VTI1A: variants seen among roughly 807,000 people sequenced by gnomAD.
VTI1A encodes the protein vesicle transport through interaction with t-SNAREs homolog 1A.
In VTI1A, 22 loss-of-function variants were observed where a neutral mutation model predicts 34.9. That is an observed-to-expected ratio of 0.63 (90% CI 0.45 to 0.90). The LOEUF is 0.90. VTI1A is among the 40% of genes least tolerant of loss of function. The pLI is 0.00. For missense variants in VTI1A, 268 were observed against 275.6 expected (o/e 0.97, Z 0.20); for synonymous variants, 87 against 97.3 (o/e 0.89, Z 0.62).
At chr10:112,592,260 C>T (rs1485027458) in intron 5 of VTI1A, among the ~76,000 whole-genome samples, 1 of 152,232 alleles carries the variant, frequency 6.6e-6, no homozygotes, top group Non-Finnish European at 1.5e-5. Context: ...GCCCACCAGA[C>T]TTCTCACCTA....
chr10:112,635,996 T>A (rs1464964536), intron 5 of VTI1A, among the ~76,000 whole-genome samples: 1 of 152,118 alleles, frequency 6.6e-6, no homozygotes, highest in African/African-American at 2.4e-5. Flanking sequence ...TGAATGAGGA[T>A]CTCAAAGGAG....
intron 7 of VTI1A, among the ~76,000 whole-genome samples, chr10:112,790,772 T>C (rs1852438992): frequency 6.6e-6 from 1 of 152,026 alleles, no homozygotes; most frequent in South Asian, 2.1e-4. Flanking sequence ...ACGTTTTTTT[T>C]TTTTTTGGTG....
At chr10:112,493,250 C>G (rs1444731754) in intron 3 of VTI1A, among the ~76,000 whole-genome samples, 1 of 151,482 alleles carries the variant, frequency 6.6e-6, no homozygotes, top group Non-Finnish European at 1.5e-5. Flanking sequence ...TTTTTCTTTC[C>G]TTTTTCATTT....
the VTI1A span, among the ~76,000 whole-genome samples, chr10:112,838,224 G>A: frequency 6.6e-6 from 1 of 152,176 alleles, no homozygotes; most frequent in South Asian, 2.1e-4. Context: ...TCCCAAGACA[G>A]CCCCAGGTGG....
intron 5 of VTI1A, among the ~76,000 whole-genome samples, chr10:112,543,668 A>G (rs1190970437): frequency 6.6e-6 from 1 of 152,138 alleles, no homozygotes; most frequent in East Asian, 1.9e-4. Flanking sequence ...TGCTGTGCAG[A>G]AGCTCTTTAG....
the VTI1A span, among the ~76,000 whole-genome samples, chr10:112,845,535 G>A: frequency 0.036 from 5,482 of 152,266 alleles, 184 homozygotes; most frequent in African/African-American, 0.091. Flanking sequence ...CCCTCTCCCC[G>A]GGAGGAAAAG....
chr10:112,675,869 CT>C (rs1237932750), intron 7 of VTI1A, among the ~76,000 whole-genome samples: 1 of 152,156 alleles, frequency 6.6e-6, no homozygotes, highest in Non-Finnish European at 1.5e-5. Context: ...AGCTAGTAAC[CT>C]TTGGCAAGAA....
intron 7 of VTI1A, among the ~76,000 whole-genome samples, chr10:112,743,833 A>G (rs1014989221): frequency 7.2e-5 from 11 of 152,336 alleles, no homozygotes; most frequent in African/African-American, 2.2e-4. Context: ...AATAAAAAAT[A>G]TAGGACATAA....
chr10:112,451,054 G>T (rs532182811), intron 1 of VTI1A, among the ~76,000 whole-genome samples: 6 of 152,170 alleles, frequency 3.9e-5, no homozygotes, highest in Non-Finnish European at 8.8e-5. Context: ...ATGATCTGTT[G>T]TGAATCCTGT....
chr10:112,527,259 C>A, intron 4 of VTI1A, 95 bp downstream of exon 4: 2 of 1,038,768 alleles, frequency 1.9e-6, no homozygotes, highest in Non-Finnish European at 2.9e-6. Flanking sequence ...ACGGTATTAG[C>A]AGCAACTCAT....
chr10:112,681,739 CTATT>C (rs946808042), intron 7 of VTI1A, among the ~76,000 whole-genome samples: 1 of 151,988 alleles, frequency 6.6e-6, no homozygotes, highest in Non-Finnish European at 1.5e-5. Context: ...ATAAAATTAC[CTATT>C]TATTAAAAAG....
rs143085843 is a variant in VTI1A, at chr10:112,490,556, A to G, written c.264+25899A>G. Among the ~76,000 whole-genome samples the G allele has an allele frequency of 5.5e-4, 83 of 151,702 alleles. 2 individuals are homozygous for G. In the East Asian group the frequency reaches 0.01, roughly 19 times the overall value. ...GTGTATTGTCATTAATGATATGCTC[A>G]TTTTGATAATGGGGCTGCAGATTCT... On this transcript the variant is annotated intron_variant, in intron 3 of 7. Coordinates refer to ENST00000393077, the MANE Select transcript of VTI1A (RefSeq NM_145206.4).
intron 7 of VTI1A, among the ~76,000 whole-genome samples, chr10:112,691,060 G>C (rs1466019344): frequency 6.6e-6 from 1 of 151,868 alleles, no homozygotes; most frequent in Non-Finnish European, 1.5e-5. Flanking sequence ...TTGAGGCCAG[G>C]AATTCAAGAA....
chr10:112,485,294 A>T (rs1848584372), intron 3 of VTI1A: 1 of 152,166 alleles, frequency 6.6e-6, no homozygotes, highest in Non-Finnish European at 1.5e-5. Context: ...AAAAAAAAGA[A>T]AAAAAGAAAA....
intron 5 of VTI1A, among the ~76,000 whole-genome samples, chr10:112,600,192 C>T (rs893347986): frequency 1.3e-5 from 2 of 152,090 alleles, no homozygotes; most frequent in Non-Finnish European, 2.9e-5. Flanking sequence ...TGCACCCCTC[C>T]CTCAAAGATG....
At chr10:112,765,546 T>C (rs1851620226) in intron 7 of VTI1A, among the ~76,000 whole-genome samples, 1 of 152,202 alleles carries the variant, frequency 6.6e-6, no homozygotes, top group African/African-American at 2.4e-5. Context: ...ATGTTTAATT[T>C]ATTGAAAAAT....
downstream of VTI1A, among the ~76,000 whole-genome samples, chr10:112,821,946 C>T (rs1458475586): frequency 6.6e-6 from 1 of 152,188 alleles, no homozygotes; most frequent in Non-Finnish European, 1.5e-5. Context: ...GTGGTGGATG[C>T]CTGAAACCCC....
chr10:112,626,579 CA>C (rs112330401), intron 5 of VTI1A, among the ~76,000 whole-genome samples: 6,885 of 140,410 alleles, frequency 0.049, 212 homozygotes, highest in Middle Eastern at 0.11. Flanking sequence ...CAAGTATTTG[CA>C]AAAAAAAAAG....
chr10:112,457,541 G>A (rs1847578885), intron 1 of VTI1A, among the ~76,000 whole-genome samples: 1 of 152,204 alleles, frequency 6.6e-6, no homozygotes, highest in Admixed American at 6.5e-5. Context: ...TCAAAGAAGT[G>A]ATGATTTCTG....
Sources: gnomAD v4.1 joint callset for allele counts (sites outside exome capture counted in the v4.1 genomes callset) on GRCh38, gnomAD v4.1.1 for gene constraint, MANE v1.5 for transcripts, NCBI Gene and HGNC (gene_info 2026-07-23, HGNC 2026-07-21) for gene names.